The following PLCE1 variants were observed in gnomAD, a reference collection of about 807,000 sequenced individuals.
The protein encoded by PLCE1 is 1-phosphatidylinositol 4,5-bisphosphate phosphodiesterase epsilon-1.
Under a neutral mutation model 242.8 loss-of-function variants are expected in PLCE1, and 119 were observed. The ratio of observed to expected loss-of-function variants is 0.49; its 90% CI spans 0.42 to 0.57. PLCE1 has a LOEUF of 0.57. Ranked by LOEUF, PLCE1 falls within the 20% of genes least tolerant of loss-of-function variation. The probability of loss-of-function intolerance (pLI) is 0.00; values close to 1 mark genes in which losing one functional copy is unlikely to be tolerated. For missense variants in PLCE1, 2,441 were observed against 2,788.8 expected, an observed-to-expected ratio of 0.88 and a Z score of 2.81; for synonymous variants, 945 against 1,017.4, an observed-to-expected ratio of 0.93 and a Z score of 1.35.
At chr10:94,292,676 C>T (rs765272540) in intron 22 of PLCE1, among the ~76,000 whole-genome samples, 10 of 152,198 alleles carry the variant, frequency 6.6e-5, no homozygotes, top group Non-Finnish European at 1.3e-4. Context: ...ATCCTGTCTC[C>T]TCTGATGATG....
At chr10:94,116,785 AT>A in intron 2 of PLCE1, among the ~76,000 whole-genome samples, 1 of 152,304 alleles carries the variant, frequency 6.6e-6, no homozygotes, top group East Asian at 1.9e-4. Context: ...GAAACCCCAA[AT>A]TTACCCAGCC....
intron 4 of PLCE1, among the ~76,000 whole-genome samples, chr10:94,207,121 C>T (rs1307639743): frequency 6.6e-6 from 1 of 152,182 alleles, no homozygotes; most frequent in Non-Finnish European, 1.5e-5. Context: ...TTCCCTCTTC[C>T]CTTTGTTTCT....
intron 4 of PLCE1, among the ~76,000 whole-genome samples, chr10:94,187,669 C>T (rs985012673): frequency 2.0e-5 from 3 of 152,042 alleles, no homozygotes; most frequent in Admixed American, 6.6e-5. Flanking sequence ...AGGACTCAGC[C>T]GCAGGTCAAA....
At chr10:94,221,922 G>T (rs140973737) in intron 4 of PLCE1, among the ~76,000 whole-genome samples, 13 of 152,232 alleles carry the variant, frequency 8.5e-5, no homozygotes, top group African/African-American at 3.1e-4. Flanking sequence ...AAAGTCATTT[G>T]TCTCCTTTTT....
At chr10:94,179,663 G>A (rs1447455065) in intron 4 of PLCE1, among the ~76,000 whole-genome samples, 2 of 151,174 alleles carry the variant, frequency 1.3e-5, no homozygotes, top group Admixed American at 6.6e-5. Context: ...ACACCACCTC[G>A]CCTGGCTAAT....
chr10:94,254,343 T>C, intron 10 of PLCE1, 36 bp downstream of exon 10: 1 of 1,461,936 alleles, frequency 6.8e-7, no homozygotes. Flanking sequence ...ATTTTTGTTT[T>C]TTAATTTTTG....
intron 1 of PLCE1, among the ~76,000 whole-genome samples, chr10:94,023,368 A>T (rs2061406612): frequency 6.6e-6 from 1 of 152,188 alleles, no homozygotes; most frequent in South Asian, 2.1e-4. Context: ...TGTGTTGCCC[A>T]CTTTTCTCTC....
chr10:94,105,956 A>G (rs941292735), intron 2 of PLCE1: 13 of 152,170 alleles, frequency 8.5e-5, no homozygotes, highest in Non-Finnish European at 1.9e-4. Flanking sequence ...CAACAAACCT[A>G]TAAGGTTGGT....
chr10:94,267,882 T>C (rs1434905757), intron 16 of PLCE1, among the ~76,000 whole-genome samples: 2 of 152,186 alleles, frequency 1.3e-5, no homozygotes, highest in African/African-American at 4.8e-5. Flanking sequence ...TATAAAAGTG[T>C]TAAAATGAGA....
chr10:94,001,273 G>T (rs1050672654), intron 1 of PLCE1, among the ~76,000 whole-genome samples: 10 of 152,186 alleles, frequency 6.6e-5, no homozygotes, highest in Admixed American at 6.5e-4. Flanking sequence ...TCTCTTCTTA[G>T]TAGTGGCATC....
At chr10:94,109,152 A>T (rs986137897) in intron 2 of PLCE1, 1 of 152,216 alleles carries the variant, frequency 6.6e-6, no homozygotes, top group African/African-American at 2.4e-5. Context: ...TTCCCTGTGA[A>T]TCTGGGAGCA....
intron 4 of PLCE1, among the ~76,000 whole-genome samples, chr10:94,179,537 G>A (rs1296841590): frequency 1.7e-4 from 4 of 23,320 alleles, no homozygotes; most frequent in African/African-American, 4.5e-4. Context: ...TTTTGACAGG[G>A]TCTCTGTTGC....
At chr10:94,280,232 C>T (rs995712318) in intron 20 of PLCE1, 34 of 388,704 alleles carry the variant, frequency 8.7e-5, no homozygotes, top group African/African-American at 7.0e-4. Context: ...ATAATCTTGG[C>T]AGGAGTCGTA....
At chr10:94,077,425 A>C (rs547680084) in intron 2 of PLCE1, among the ~76,000 whole-genome samples, 1 of 152,334 alleles carries the variant, frequency 6.6e-6, no homozygotes, top group African/African-American at 2.4e-5. Flanking sequence ...ACTGAATTCT[A>C]TAGTGTGAAT....
intron 2 of PLCE1, among the ~76,000 whole-genome samples, chr10:94,071,905 C>T (rs576443319): frequency 6.6e-6 from 1 of 152,022 alleles, no homozygotes; most frequent in African/African-American, 2.4e-5. Context: ...CCATTTTTGT[C>T]TCTTTTAACG....
At chr10:94,241,134 T>C (rs1031166106) in intron 7 of PLCE1, among the ~76,000 whole-genome samples, 6 of 152,224 alleles carry the variant, frequency 3.9e-5, no homozygotes, top group Non-Finnish European at 1.5e-5. Flanking sequence ...ATTATTACCA[T>C]CTGGCATTAG....
intron 2 of PLCE1, among the ~76,000 whole-genome samples, chr10:94,081,273 T>A (rs1302547204): frequency 6.6e-6 from 1 of 152,230 alleles, no homozygotes; most frequent in African/African-American, 2.4e-5. Context: ...GTGTTACAAA[T>A]ACCAACTTCT....
chr10:94,116,779 C>T (rs537040311), intron 2 of PLCE1, among the ~76,000 whole-genome samples: 1 of 152,152 alleles, frequency 6.6e-6, no homozygotes, highest in Non-Finnish European at 1.5e-5. Flanking sequence ...ACTGATGAAA[C>T]CCCAAATTTA....
intron 19 of PLCE1, 77 bp downstream of exon 19, chr10:94,273,797 C>A: frequency 7.7e-7 from 1 of 1,294,948 alleles, no homozygotes; most frequent in Non-Finnish European, 1.1e-6. Context: ...TCTAACCTTT[C>A]AGATGACCTG....
Sources: allele counts gnomAD v4.1 joint callset (sites outside exome capture counted in the v4.1 genomes callset), GRCh38; gene constraint gnomAD v4.1.1; transcripts MANE v1.5; gene names NCBI Gene and HGNC (gene_info 2026-07-23, HGNC 2026-07-21).